EEA1: variants seen among roughly 807,000 people sequenced by gnomAD.
The protein encoded by EEA1 is early endosome antigen 1, also known as early endosome antigen 1, 162kD.
EEA1 carries 111 observed loss-of-function variants against 209.2 expected under a neutral mutation model. The ratio of observed to expected loss-of-function variants is 0.53; its 90% CI spans 0.45 to 0.62. The LOEUF is 0.62. Among genes scored for constraint, EEA1 ranks in the 20% least tolerant of loss-of-function variants. The pLI, the probability that EEA1 is intolerant of heterozygous loss-of-function variation, is 0.00. For synonymous variants in EEA1, 536 were observed against 540.6 expected (o/e 0.99, Z 0.12); for missense variants, 1,343 against 1,530.8 (o/e 0.88, Z 2.05).
intron 3 of EEA1, chr12:92,858,188 G>T: frequency 4.4e-6 from 3 of 684,788 alleles, no homozygotes; most frequent in African/African-American, 1.7e-5. Flanking sequence ...TCTGTGACCA[G>T]ATCAGTGAGG....
intron 9 of EEA1, among the ~76,000 whole-genome samples, chr12:92,844,690 T>C (rs1840752265): frequency 6.6e-6 from 1 of 152,120 alleles, no homozygotes; most frequent in African/African-American, 2.4e-5. Flanking sequence ...ACTCACTATG[T>C]TTTAATCATA....
At chr12:92,839,276 C>T (rs1216362180) in intron 10 of EEA1, among the ~76,000 whole-genome samples, 1 of 152,078 alleles carries the variant, frequency 6.6e-6, no homozygotes, top group Non-Finnish European at 1.5e-5. Flanking sequence ...GGAAAAGATC[C>T]ACTCAAAAGG....
chr12:92,780,984 C>G (rs1873880278), intron 23 of EEA1, among the ~76,000 whole-genome samples: 1 of 152,148 alleles, frequency 6.6e-6, no homozygotes, highest in Non-Finnish European at 1.5e-5. Context: ...ATGGCTCACT[C>G]ACTGCAGCCT....
In EEA1 at chr12:92,852,166, C is replaced by T. The variant is rs199526738; in HGVS notation, c.642+9G>A. 3.8e-6 allele frequency: 6 copies of T among 1,563,984 alleles called. No individual in the cohort carries two copies. The East Asian group carries it at 1.4e-4, about 37-fold the overall frequency. On this transcript the variant is annotated intron_variant, in intron 8 of 28. Coordinates refer to ENST00000322349, the MANE Select transcript of EEA1 (RefSeq NM_003566.4). Reference sequence around the variant, plus strand: ...AAGAGTACATCTCAATAAATAATTCCTAAATTACCAGTTCCGTCTTCAGAT... The same window carrying T: ...AAGAGTACATCTCAATAAATAATTCTTAAATTACCAGTTCCGTCTTCAGAT...
At chr12:92,889,054 A>C (rs1319026772) in intron 2 of EEA1, among the ~76,000 whole-genome samples, 2 of 151,812 alleles carry the variant, frequency 1.3e-5, no homozygotes, top group Non-Finnish European at 2.9e-5. Context: ...TAGGAGGCTG[A>C]GGTGGGAGAA....
At chr12:92,826,572 G>A (rs1218487667) in intron 12 of EEA1, among the ~76,000 whole-genome samples, 7 of 151,626 alleles carry the variant, frequency 4.6e-5, no homozygotes, top group South Asian at 2.1e-4. Context: ...AAAATTAGCC[G>A]GGCATGGTGG....
intron 23 of EEA1, among the ~76,000 whole-genome samples, chr12:92,781,490 T>C (rs536572259): frequency 1.3e-5 from 2 of 152,334 alleles, no homozygotes; most frequent in African/African-American, 4.8e-5. Flanking sequence ...TAAAATGTAC[T>C]GGTCATATAT....
chr12:92,838,320 TA>T (rs1299141148), intron 10 of EEA1, among the ~76,000 whole-genome samples: 1 of 152,172 alleles, frequency 6.6e-6, no homozygotes, highest in African/African-American at 2.4e-5. Context: ...ATTAATAGCT[TA>T]ATGTTTGAGA....
intron 2 of EEA1, among the ~76,000 whole-genome samples, chr12:92,887,372 C>T (rs1193802436): frequency 6.6e-6 from 1 of 151,936 alleles, no homozygotes; most frequent in African/African-American, 2.4e-5. Context: ...GGGAGGGGTG[C>T]AGTGGCTCAC....
At chr12:92,804,232 A>G (rs764516607) in intron 18 of EEA1, among the ~76,000 whole-genome samples, 2 of 152,186 alleles carry the variant, frequency 1.3e-5, no homozygotes, top group Non-Finnish European at 2.9e-5. Context: ...CTTACTTTCA[A>G]AAGTTTGAAT....
chr12:92,835,541 A>G (rs1876890336), intron 10 of EEA1: 1 of 210,514 alleles, frequency 4.8e-6, no homozygotes, highest in Admixed American at 5.7e-5. Context: ...CCTCCCAAGT[A>G]GCTAAGACTA....
intron 18 of EEA1, among the ~76,000 whole-genome samples, chr12:92,808,290 G>A (rs1875310777): frequency 6.6e-6 from 1 of 152,110 alleles, no homozygotes; most frequent in Non-Finnish European, 1.5e-5. Flanking sequence ...ATATGGTGCT[G>A]TGGCTAGATC....
At chr12:92,856,304 A>C (rs904827803) in intron 5 of EEA1, among the ~76,000 whole-genome samples, 4 of 152,172 alleles carry the variant, frequency 2.6e-5, no homozygotes, top group Non-Finnish European at 5.9e-5. Context: ...CAGCATAAAA[A>C]TCATAATTAA....
At chr12:92,923,184 A>C (rs1323910463) in intron 1 of EEA1, among the ~76,000 whole-genome samples, 1 of 151,702 alleles carries the variant, frequency 6.6e-6, no homozygotes, top group African/African-American at 2.4e-5. Context: ...TGTCTCTACT[A>C]AAAATACAAA....
chr12:92,892,441 A>T (rs1879688640), intron 1 of EEA1, among the ~76,000 whole-genome samples: 1 of 152,154 alleles, frequency 6.6e-6, no homozygotes, highest in Non-Finnish European at 1.5e-5. Flanking sequence ...ATGCAAGTTC[A>T]AGGAAGAAGA....
At position 92,774,138 on chromosome 12, in the gene EEA1, TA is replaced by T. The variant is rs1327650758; in HGVS notation, c.*1872del. ...TTATTTATATGTAAAAGGATAGAAT[TA>T]AAACTATTTGGAAGGATTTATAAGT... is the stretch of plus-strand genomic sequence containing the variant. On this transcript the variant is annotated 3_prime_UTR_variant, in exon 29 of 29. Coordinates refer to ENST00000322349, the MANE Select transcript of EEA1 (RefSeq NM_003566.4). The T allele has an allele frequency of 6.6e-6, 1 of 150,886 alleles. No individual in the cohort carries two copies. Among genetic ancestry groups the T allele is most frequent in the Non-Finnish European group, 1.5e-5 (1 of 67,404 alleles). The allele number at this position is 150,886 out of a possible 1,614,324, so 9.3% of individuals were successfully genotyped here. A position where few individuals can be genotyped will look rare whatever the true frequency, so the allele number is the denominator to read the frequency against.
At chr12:92,909,146 T>TAAAAGCAAAGACAACCC (rs1880490346) in intron 1 of EEA1, among the ~76,000 whole-genome samples, 1 of 152,158 alleles carries the variant, frequency 6.6e-6, no homozygotes, top group African/African-American at 2.4e-5. Flanking sequence ...TTCAAAAGCT[T>TAAAAGCAAAGACAACCC]AAAAGCAAAG....
At chr12:92,891,318 G>A (rs1879646759) in intron 2 of EEA1, among the ~76,000 whole-genome samples, 1 of 151,990 alleles carries the variant, frequency 6.6e-6, no homozygotes, top group Non-Finnish European at 1.5e-5. Context: ...GTTCATGACA[G>A]TACACACACA....
At chr12:92,805,193 G>A (rs1875142081) in intron 18 of EEA1, among the ~76,000 whole-genome samples, 1 of 152,102 alleles carries the variant, frequency 6.6e-6, no homozygotes, top group South Asian at 2.1e-4. Context: ...CCATTTGGTT[G>A]GTAATGTAAT....
Sources: gnomAD v4.1 joint callset for allele counts (sites outside exome capture counted in the v4.1 genomes callset) on GRCh38, gnomAD v4.1.1 for gene constraint, MANE v1.5 for transcripts, NCBI Gene and HGNC (gene_info 2026-07-23, HGNC 2026-07-21) for gene names.